HACD1: variants seen among roughly 807,000 people sequenced by gnomAD.
HACD1 encodes the protein very-long-chain (3R)-3-hydroxyacyl-CoA dehydratase 1.
Under a neutral mutation model 32.0 loss-of-function variants are expected in HACD1, and 41 were observed. That is an observed-to-expected ratio of 1.28 (90% confidence interval 1.00 to 1.66). The LOEUF (loss-of-function observed/expected upper bound fraction) is 1.66. HACD1 is among the 40% of genes most tolerant of loss of function. HACD1 has a pLI of 0.00. For synonymous variants in HACD1, 142 were observed against 139.0 expected, an observed-to-expected ratio of 1.02 and a Z score of -0.15; for missense variants, 396 against 380.1, an observed-to-expected ratio of 1.04 and a Z score of -0.35.
intron 1 of HACD1, among the ~76,000 whole-genome samples, chr10:17,605,731 A>G (rs782643405): frequency 7.2e-5 from 11 of 151,966 alleles, no homozygotes; most frequent in Non-Finnish European, 1.3e-4. Flanking sequence ...AGGTGGGTGG[A>G]TCACCTGAGG....
intron 5 of HACD1, among the ~76,000 whole-genome samples, chr10:17,594,721 G>T (rs1267859435): frequency 1.3e-5 from 2 of 152,090 alleles, no homozygotes; most frequent in African/African-American, 4.8e-5. Context: ...CACCAGGCTG[G>T]AGTGCAGCGG....
intron 1 of HACD1, 21 bp downstream of exon 1, chr10:17,617,062 G>A: frequency 6.8e-7 from 1 of 1,462,430 alleles, no homozygotes; most frequent in Non-Finnish European, 9.0e-7. Context: ...AGGGCCCGAG[G>A]GTGCCCCGCG....
intron 1 of HACD1, among the ~76,000 whole-genome samples, chr10:17,616,593 T>G (rs1588998032): frequency 7.0e-6 from 1 of 142,520 alleles, no homozygotes. Flanking sequence ...ATAAGTGGGG[T>G]GGTTATTTCA....
At chr10:17,608,168 C>G (rs984589013) in intron 1 of HACD1, among the ~76,000 whole-genome samples, 2 of 152,038 alleles carry the variant, frequency 1.3e-5, no homozygotes, top group South Asian at 4.1e-4. Flanking sequence ...TACCACCATA[C>G]CTGGCTCATT....
At position 17,617,232 on chromosome 10, in the gene HACD1, G is replaced by C. The variant is rs1554818265; in HGVS notation, c.108C>G (p.Cys36Trp). Residue 36 changes from cysteine (C) to tryptophan (W), a missense_variant, in exon 1 of 7, where the codon TGC becomes TGG. Coordinates refer to ENST00000361271, the MANE Select transcript of HACD1 (RefSeq NM_014241.4). The part of the protein sequence containing the change: ...LLPLSPTSPR[C>W]AATMASSDED... Reference sequence around the variant, plus strand: ...CGTCGCTGGACGCCATGGTGGCCGCGCACCTGGGGGACGTGGGAGACAGCG... The same window carrying C: ...CGTCGCTGGACGCCATGGTGGCCGCCCACCTGGGGGACGTGGGAGACAGCG... 4 of 1,488,394 alleles carry C rather than the reference G, an allele frequency of 2.7e-6. No homozygotes were observed. The highest frequency in any genetic ancestry group is 8.9e-7 in the Non-Finnish European group (1 of 1,124,612). The allele number at this position is 1,488,394 out of a possible 1,614,324, so 92.2% of individuals were successfully genotyped here. A position where few individuals can be genotyped will look rare whatever the true frequency, so the allele number is the denominator to read the frequency against.
chr10:17,606,108 T>A (rs575707267), intron 1 of HACD1, among the ~76,000 whole-genome samples: 11 of 152,120 alleles, frequency 7.2e-5, no homozygotes, highest in African/African-American at 2.4e-4. Context: ...ACAGAGGCGC[T>A]GGTTGCAGTA....
At chr10:17,602,579 C>T (rs1554816635) in intron 4 of HACD1, among the ~76,000 whole-genome samples, 1 of 152,044 alleles carries the variant, frequency 6.6e-6, no homozygotes, top group Non-Finnish European at 1.5e-5. Flanking sequence ...TTATGGTGTA[C>T]AACATGATGT....
chr10:17,608,435 C>T (rs1455175482), intron 1 of HACD1, among the ~76,000 whole-genome samples: 2 of 152,162 alleles, frequency 1.3e-5, no homozygotes, highest in African/African-American at 2.4e-5. Context: ...CCTTTGTATA[C>T]CTCCTTTAGC....
intron 5 of HACD1, 167 bp downstream of exon 5, chr10:17,599,123 T>C: frequency 3.3e-6 from 4 of 1,221,062 alleles, no homozygotes; most frequent in Non-Finnish European, 4.2e-6. Context: ...CATTAAGCTT[T>C]TAGAATACAA....
chr10:17,608,932 T>G (rs1554817260), intron 1 of HACD1, among the ~76,000 whole-genome samples: 1 of 152,078 alleles, frequency 6.6e-6, no homozygotes, highest in African/African-American at 2.4e-5. Flanking sequence ...GAAAGATTCA[T>G]AAAAGAAAAA....
intron 5 of HACD1, among the ~76,000 whole-genome samples, chr10:17,596,458 T>A (rs1379625687): frequency 6.6e-6 from 1 of 151,214 alleles, no homozygotes; most frequent in Non-Finnish European, 1.5e-5. Context: ...TAAGTTGCAA[T>A]TTTTACTTTA....
intron 6 of HACD1, among the ~76,000 whole-genome samples, chr10:17,592,842 G>T (rs1554815691): frequency 6.6e-6 from 1 of 152,148 alleles, no homozygotes; most frequent in Non-Finnish European, 1.5e-5. Flanking sequence ...AGGCTGAAGT[G>T]GTAGAAGACA....
chr10:17,590,297 G>T lies in HACD1; in HGVS notation c.*67C>A. 2 of 1,148,710 alleles carry T rather than the reference G, an allele frequency of 1.7e-6. No homozygotes were observed. Among genetic ancestry groups the T allele is most frequent in the Non-Finnish European group, 2.5e-6 (2 of 795,724 alleles). The allele number at this position is 1,148,710 out of a possible 1,614,324, so 71.2% of individuals were successfully genotyped here. On this transcript the variant is annotated 3_prime_UTR_variant, in exon 7 of 7. Transcript: ENST00000361271. Reference sequence around the variant, plus strand: ...ATATTTCACAAAGTTGTTTATTCTTGTTATTAAAACTTGGACTCAGGTAAT... The same window carrying T: ...ATATTTCACAAAGTTGTTTATTCTTTTTATTAAAACTTGGACTCAGGTAAT...
intron 5 of HACD1, chr10:17,599,051 T>C: frequency 1.4e-6 from 1 of 691,076 alleles, no homozygotes; most frequent in Non-Finnish European, 2.0e-6. Flanking sequence ...AGGTTAAGGA[T>C]ACCACAATTT....
At chr10:17,609,950 T>C (rs1241095709) in intron 1 of HACD1, among the ~76,000 whole-genome samples, 2 of 140,314 alleles carry the variant, frequency 1.4e-5, no homozygotes, top group Non-Finnish European at 1.5e-5. Flanking sequence ...ACCACTGCAC[T>C]CCAGCGTAGG....
intron 1 of HACD1, 46 bp from the exon 2 acceptor site, chr10:17,604,093 A>G: frequency 7.9e-7 from 1 of 1,269,678 alleles, no homozygotes. Flanking sequence ...ACTTAATACC[A>G]CTGATTTATA....
At chr10:17,592,652 A>G (rs1324589987) in intron 6 of HACD1, among the ~76,000 whole-genome samples, 1 of 152,128 alleles carries the variant, frequency 6.6e-6, no homozygotes, top group Admixed American at 6.6e-5. Context: ...ATGAGGAGGA[A>G]GAGAACCCAC....
chr10:17,617,346 C>G lies in HACD1; in HGVS notation c.-7G>C. 1.5e-6 allele frequency: 2 copies of G among 1,370,848 alleles called. No individual in the cohort carries two copies. Among genetic ancestry groups the G allele is most frequent in the Non-Finnish European group, 1.9e-6 (2 of 1,068,398 alleles). 84.9% of individuals were successfully genotyped at this position (1,370,848 alleles called of 1,614,324 possible). On this transcript the variant is annotated 5_prime_UTR_variant, in exon 1 of 7. Transcript: ENST00000361271. Reference sequence around the variant, plus strand: ...CTTCCGTCAGGCGCCCCATGTGCAGCGCGCAGGGGGCTCGGCGCAGCCAGC... The same window carrying G: ...CTTCCGTCAGGCGCCCCATGTGCAGGGCGCAGGGGGCTCGGCGCAGCCAGC...
chr10:17,606,444 C>G (rs571851281), intron 1 of HACD1, among the ~76,000 whole-genome samples: 5 of 152,258 alleles, frequency 3.3e-5, no homozygotes, highest in Admixed American at 2.6e-4. Context: ...TTTTTAAAAG[C>G]TCTAATAACT....
Sources: gnomAD v4.1 joint callset for allele counts (sites outside exome capture counted in the v4.1 genomes callset) on GRCh38, gnomAD v4.1.1 for gene constraint, MANE v1.5 for transcripts, NCBI Gene and HGNC (gene_info 2026-07-23, HGNC 2026-07-21) for gene names.